DNAH8: variants seen among roughly 807,000 people sequenced by gnomAD.
The protein encoded by DNAH8 is axonemal beta dynein heavy chain 8.
A neutral mutation model predicts 562.1 loss-of-function variants in DNAH8; 382 were observed. The ratio of observed to expected loss-of-function variants is 0.68; its 90% CI spans 0.63 to 0.74. The LOEUF (loss-of-function observed/expected upper bound fraction) is 0.74, where lower values mean the gene tolerates loss of function less well. Among genes scored for constraint, DNAH8 ranks in the 30% least tolerant of loss-of-function variants. DNAH8 has a pLI of 0.00. For missense variants in DNAH8, 5,203 were observed against 5,620.4 expected (o/e 0.93, Z 2.37); for synonymous variants, 1,881 against 1,919.4 (o/e 0.98, Z 0.52).
chr6:38,873,985 A>ATTGTTTTTTCCCTTTCTTCCT (rs1777697020), intron 52 of DNAH8, among the ~76,000 whole-genome samples: 1 of 151,624 alleles, frequency 6.6e-6, no homozygotes, highest in Non-Finnish European at 1.5e-5. Context: ...TAGTTGTAGC[A>ATTGTTTTTTCCCTTTCTTCCT]TTGTTTTTTC....
At chr6:38,899,310 A>G (rs1384412689) in intron 61 of DNAH8, among the ~76,000 whole-genome samples, 1 of 152,226 alleles carries the variant, frequency 6.6e-6, no homozygotes, top group African/African-American at 2.4e-5. Flanking sequence ...TGGTACTTAA[A>G]AAAATTTGTT....
At chr6:38,788,125 A>G (rs975495094) in intron 18 of DNAH8, among the ~76,000 whole-genome samples, 1 of 150,392 alleles carries the variant, frequency 6.6e-6, no homozygotes, top group Non-Finnish European at 1.5e-5. Context: ...TATAATCAAT[A>G]ATATAATAAA....
At chr6:38,787,218 T>C (rs1769251889) in intron 18 of DNAH8, among the ~76,000 whole-genome samples, 1 of 152,064 alleles carries the variant, frequency 6.6e-6, no homozygotes, top group South Asian at 2.1e-4. Flanking sequence ...AAAACTATTC[T>C]TAATATAATT....
chr6:38,821,362 G>A (rs1311587262), intron 26 of DNAH8, among the ~76,000 whole-genome samples: 9 of 152,164 alleles, frequency 5.9e-5, no homozygotes, highest in Non-Finnish European at 1.2e-4. Context: ...TGGGTTGGAA[G>A]ATCTAATATT....
intron 21 of DNAH8, among the ~76,000 whole-genome samples, chr6:38,799,025 C>G (rs1770543452): frequency 6.6e-6 from 1 of 152,124 alleles, no homozygotes; most frequent in South Asian, 2.1e-4. Context: ...TCTCTTGGTG[C>G]CTCCTCTTGG....
intron 59 of DNAH8, among the ~76,000 whole-genome samples, chr6:38,895,370 T>A (rs1199253272): frequency 6.6e-6 from 1 of 152,212 alleles, no homozygotes; most frequent in Non-Finnish European, 1.5e-5. Context: ...GCCGATTTAT[T>A]CCAGTATGAC....
At chr6:38,943,813 G>C (rs1783640787) in intron 79 of DNAH8, among the ~76,000 whole-genome samples, 1 of 152,032 alleles carries the variant, frequency 6.6e-6, no homozygotes, top group Admixed American at 6.6e-5. Context: ...TGATTACATA[G>C]CTCTTATTAT....
chr6:38,984,481 CACA>C, intron 87 of DNAH8, 174 bp downstream of exon 87: 1 of 564,774 alleles, frequency 1.8e-6, no homozygotes, highest in Non-Finnish European at 3.2e-6. Flanking sequence ...CACACACACA[CACA>C]CACACACACA....
chr6:38,844,092 A>T (rs1322580867), intron 35 of DNAH8, among the ~76,000 whole-genome samples: 3 of 152,106 alleles, frequency 2.0e-5, no homozygotes, highest in African/African-American at 7.2e-5. Flanking sequence ...TGGCAGCTAG[A>T]GGCAGTGTTT....
chr6:38,993,341 T>C (rs1210296128), intron 88 of DNAH8, among the ~76,000 whole-genome samples: 2 of 152,222 alleles, frequency 1.3e-5, no homozygotes, highest in Non-Finnish European at 2.9e-5. Flanking sequence ...GAGTACTGTG[T>C]TCAAAGGTCA....
At position 38,924,082 on chromosome 6, in the gene DNAH8, T is replaced by C. The variant is rs772338545; in HGVS notation, c.10882T>C (p.Trp3628Arg). The C allele has an allele frequency of 1.2e-6, 2 of 1,613,964 alleles. No homozygotes were observed. Among genetic ancestry groups the C allele is most frequent in the Non-Finnish European group, 1.7e-6 (2 of 1,179,948 alleles). ...IFRNYLLKDQ[W>R]EMELRARKIP... ...TAGGAACTATTTGCTTAAAGATCAA[T>C]GGGAAATGGAGTTGAGAGCACGGAA... Residue 3628 changes from tryptophan to arginine, a missense_variant, in exon 73 of 93, where the codon TGG becomes CGG. This residue lies in a region of DNAH8 where 1,399 missense variants were observed against 1,518.4 expected (regional missense o/e 0.92). Transcript: ENST00000327475.
At chr6:38,753,302 G>A (rs1421967483) in intron 9 of DNAH8, among the ~76,000 whole-genome samples, 2 of 152,064 alleles carry the variant, frequency 1.3e-5, no homozygotes, top group African/African-American at 4.8e-5. Flanking sequence ...TGGCTTACTT[G>A]GCAGCTCAAT....
rs370011848 is a variant in DNAH8, at chr6:38,911,191, C to T, written c.9741-277C>T. On this transcript the variant is annotated intron_variant, in intron 65 of 92. Transcript: ENST00000327475. ...TATATGCGATTTTATTTGATCTTCA[C>T]AAAATTCTGGGAGGGGTAGAGCAGA... 2.9e-3 allele frequency among the ~76,000 whole-genome samples: 434 copies of T among 152,276 alleles called. 4 individuals carry two copies. Among genetic ancestry groups the T allele is most frequent in the African/African-American group, 9.7e-3 (405 of 41,560 alleles).
intron 85 of DNAH8, 89 bp downstream of exon 85, chr6:38,974,618 G>C: frequency 9.8e-7 from 1 of 1,018,046 alleles, no homozygotes; most frequent in Middle Eastern, 2.2e-4. Flanking sequence ...GGTGCTATCC[G>C]TTGCCGCTCT....
At chr6:38,921,531 C>G in intron 71 of DNAH8, 25 bp downstream of exon 71, 1 of 1,604,650 alleles carries the variant, frequency 6.2e-7, no homozygotes. Context: ...AAAAAATCCC[C>G]AAAATGGTGT....
At position 38,870,421 on chromosome 6, in the gene DNAH8, G is replaced by A; in HGVS notation, c.6849G>A (p.Leu2283=). 1 of 1,613,744 alleles carries A rather than the reference G, an allele frequency of 6.2e-7. No homozygotes were observed. Among genetic ancestry groups the A allele is most frequent in the Non-Finnish European group, 8.5e-7 (1 of 1,179,812 alleles). ...CTTAGGTTGATGAAGATGAACCCCT[G>A]TTCCTCAGCTTAATCAATGACCTGT... ...LSKLVDEDEP[L]FLSLINDLFP... Residue 2283 remains leucine (L), a synonymous_variant, in exon 49 of 93, where the codon CTG becomes CTA. Transcript: ENST00000327475.
In DNAH8 at chr6:38,770,570, T is replaced by G. The variant is rs909101882; in HGVS notation, c.1764+11T>G. The G allele has an allele frequency of 1.3e-6, 2 of 1,584,494 alleles. No homozygotes were observed. ...AAAAGACTGGAGAAGGTAAGCATTA[T>G]GCAGTCATCGTACCCCACTCCACAC... On this transcript the variant is annotated intron_variant, in intron 12 of 92. Coordinates refer to ENST00000327475, the MANE Select transcript of DNAH8 (RefSeq NM_001206927.2).
At chr6:38,922,463 A>T (rs1289359793) in intron 71 of DNAH8, among the ~76,000 whole-genome samples, 1 of 152,158 alleles carries the variant, frequency 6.6e-6, no homozygotes, top group African/African-American at 2.4e-5. Context: ...AAAACCATAG[A>T]TAATATTAAC....
intron 31 of DNAH8, among the ~76,000 whole-genome samples, chr6:38,833,833 A>G (rs753290455): frequency 1.2e-4 from 18 of 152,176 alleles, no homozygotes; most frequent in Non-Finnish European, 2.1e-4. Flanking sequence ...TACTTTTTAA[A>G]CACTATTATA....
Sources: allele counts gnomAD v4.1 joint callset (sites outside exome capture counted in the v4.1 genomes callset), GRCh38; gene constraint gnomAD v4.1.1; regional missense constraint gnomAD v4.1.1; transcripts MANE v1.5; gene names NCBI Gene and HGNC (gene_info 2026-07-23, HGNC 2026-07-21).